The following TM9SF4 variants were observed in gnomAD, a reference collection of about 807,000 sequenced individuals.
TM9SF4 encodes transmembrane 9 superfamily member 4, also known as dinucleotide oxidase disulfide thiol exchanger 3 superfamily member 4.
A neutral mutation model predicts 90.4 loss-of-function variants in TM9SF4; 26 were observed. The ratio of observed to expected loss-of-function variants is 0.29; its 90% CI spans 0.21 to 0.40. The LOEUF (loss-of-function observed/expected upper bound fraction) is 0.40, where lower values mean the gene tolerates loss of function less well. TM9SF4 is among the 10% of genes least tolerant of loss of function. The pLI is 1.00. For missense variants in TM9SF4, 549 were observed against 834.8 expected (o/e 0.66, Z 4.22); for synonymous variants, 293 against 315.4 (o/e 0.93, Z 0.75).
intron 1 of TM9SF4, among the ~76,000 whole-genome samples, chr20:32,117,001 G>A (rs1321565031): frequency 6.6e-6 from 1 of 150,594 alleles, no homozygotes; most frequent in African/African-American, 2.4e-5. Flanking sequence ...GTCGGAGTGG[G>A]TCATTTGAGG....
intron 13 of TM9SF4, among the ~76,000 whole-genome samples, chr20:32,156,265 G>T (rs1376958625): frequency 2.0e-5 from 3 of 152,154 alleles, no homozygotes; most frequent in Non-Finnish European, 4.4e-5. Flanking sequence ...CTTGTAAAAA[G>T]TAAGTGTAGA....
intron 1 of TM9SF4, among the ~76,000 whole-genome samples, chr20:32,121,912 G>T (rs576523394): frequency 0.036 from 5,088 of 140,992 alleles, 365 homozygotes; most frequent in African/African-American, 0.13. Flanking sequence ...CGGACGGGGC[G>T]GCTGGCCGGG....
At chr20:32,136,749 G>A (rs2046599791) in intron 3 of TM9SF4, 4 of 431,372 alleles carry the variant, frequency 9.3e-6, no homozygotes, top group Non-Finnish European at 1.9e-5. Flanking sequence ...TTCAGGTGTA[G>A]AGGTGTCTAG....
At chr20:32,122,314 C>A (rs917992787) in intron 1 of TM9SF4, among the ~76,000 whole-genome samples, 1 of 150,328 alleles carries the variant, frequency 6.7e-6, no homozygotes, top group Non-Finnish European at 1.5e-5. Flanking sequence ...TGACCCCCCC[C>A]ACCTCCCTCC....
At chr20:32,126,922 A>G (rs976598462) in intron 1 of TM9SF4, among the ~76,000 whole-genome samples, 2 of 151,856 alleles carry the variant, frequency 1.3e-5, no homozygotes, top group African/African-American at 4.8e-5. Flanking sequence ...TTTAGTAGAG[A>G]CGGGGTTCAC....
chr20:32,125,369 C>A (rs931966881), intron 1 of TM9SF4, among the ~76,000 whole-genome samples: 4 of 152,198 alleles, frequency 2.6e-5, no homozygotes, highest in African/African-American at 7.2e-5. Flanking sequence ...CAAATTTACC[C>A]AAAGTCACAC....
Position 32,159,992 on chromosome 20 carries a change from G to A in TM9SF4, c.1570G>A (p.Ala524Thr). Reference protein sequence around the residue: ...MFIELFFIFSAIWENQFYYLF... With the variant: ...MFIELFFIFSTIWENQFYYLF... Reference sequence around the variant, plus strand: ...CTGAAGCCCCACTGTGTGTCCACAGGCTATCTGGGAGAATCAGTTCTATTA... The same window carrying A: ...CTGAAGCCCCACTGTGTGTCCACAGACTATCTGGGAGAATCAGTTCTATTA... Residue 524 changes from alanine to threonine, a missense_variant and splice_region_variant, in exon 16 of 18, where the codon GCT becomes ACT. By Grantham distance (58) the Ala-to-Thr change is moderately conservative. Around this residue, in one of 2 missense-constraint regions of TM9SF4, gnomAD observed 495 missense variants for 711.7 expected, o/e 0.70. Transcript: ENST00000398022. 1 of 1,614,232 alleles carries A rather than the reference G, an allele frequency of 6.2e-7. No individual in the cohort carries two copies. The highest frequency in any genetic ancestry group is 8.5e-7 in the Non-Finnish European group (1 of 1,180,044).
At chr20:32,141,744 G>A (rs757978695) in intron 4 of TM9SF4, 22 bp from the exon 5 acceptor site, 2 of 1,613,952 alleles carry the variant, frequency 1.2e-6, no homozygotes, top group Admixed American at 3.3e-5. Context: ...GAGAGGGACT[G>A]AGTGGGGCCT....
chr20:32,109,878 C>T, intron 1 of TM9SF4, 123 bp downstream of exon 1: 2 of 1,516,800 alleles, frequency 1.3e-6, no homozygotes, highest in Non-Finnish European at 1.8e-6. Context: ...GGCCTGAGGG[C>T]TACCTCTGAC....
At chr20:32,155,053 T>A (rs762495220) in intron 12 of TM9SF4, 50 bp from the exon 13 acceptor site, 3 of 1,511,634 alleles carry the variant, frequency 2.0e-6, no homozygotes, top group Non-Finnish European at 2.8e-6. Flanking sequence ...CCGGGACAGG[T>A]AGGGGAGGTC....
intron 12 of TM9SF4, among the ~76,000 whole-genome samples, chr20:32,152,907 G>T (rs554478584): frequency 6.6e-6 from 1 of 152,288 alleles, no homozygotes; most frequent in South Asian, 2.1e-4. Flanking sequence ...TTTCTCCCTG[G>T]AGCTTTTTTT....
At chr20:32,110,632 C>A (rs1413321091) in intron 1 of TM9SF4, among the ~76,000 whole-genome samples, 1 of 152,204 alleles carries the variant, frequency 6.6e-6, no homozygotes, top group Non-Finnish European at 1.5e-5. Context: ...CCTCACTGCT[C>A]TCCTTCCCAT....
chr20:32,135,933 G>T, intron 2 of TM9SF4, 141 bp from the exon 3 acceptor site: 1 of 622,700 alleles, frequency 1.6e-6, no homozygotes, highest in Non-Finnish European at 2.8e-6. Flanking sequence ...ATTCAGAATT[G>T]TGGGCAGTAC....
intron 1 of TM9SF4, among the ~76,000 whole-genome samples, chr20:32,132,470 G>A (rs1195557660): frequency 1.3e-5 from 2 of 152,114 alleles, no homozygotes; most frequent in Non-Finnish European, 2.9e-5. Flanking sequence ...CAGTAAAGAC[G>A]AAGGCCCTGA....
chr20:32,112,767 T>A (rs2046165683), intron 1 of TM9SF4, among the ~76,000 whole-genome samples: 1 of 151,976 alleles, frequency 6.6e-6, no homozygotes, highest in South Asian at 2.1e-4. Context: ...ATTTAGTGTT[T>A]GTTGTGCCAC....
chr20:32,144,867 T>C (rs1049039091), intron 6 of TM9SF4, among the ~76,000 whole-genome samples: 9 of 152,160 alleles, frequency 5.9e-5, no homozygotes, highest in African/African-American at 2.2e-4. Context: ...GAGCTATGAT[T>C]GTGCCATTGT....
In TM9SF4 at chr20:32,124,613, GTC is replaced by G. The variant is rs2046392179; in HGVS notation, c.16-8397_16-8396del. On this transcript the variant is annotated intron_variant, in intron 1 of 17. Coordinates refer to ENST00000398022, the MANE Select transcript of TM9SF4 (RefSeq NM_014742.4). ...AACTTTTTTTTTTTTTTTAGATGAA[GTC>G]TCATTCCATCACCCAAACTGGAGTG... is the stretch of plus-strand genomic sequence containing the variant. Among the ~76,000 whole-genome samples, 4 of 148,878 alleles carry G rather than the reference GTC, an allele frequency of 2.7e-5. No homozygotes were observed. In the South Asian group the frequency reaches 8.4e-4, roughly 31 times the overall value.
intron 3 of TM9SF4, among the ~76,000 whole-genome samples, chr20:32,137,295 C>T (rs1209110758): frequency 6.6e-6 from 1 of 152,156 alleles, no homozygotes; most frequent in Non-Finnish European, 1.5e-5. Flanking sequence ...CACTTGGTGC[C>T]CCAGGGTCCT....
chr20:32,165,177 G>A (rs1020378866), intron 17 of TM9SF4, 118 bp from the exon 18 acceptor site: 6 of 1,386,990 alleles, frequency 4.3e-6, no homozygotes, highest in South Asian at 1.3e-5. Context: ...ACTGGAGCAC[G>A]CCCCTTCCCC....
Sources: gnomAD v4.1 joint callset for allele counts (sites outside exome capture counted in the v4.1 genomes callset) on GRCh38, gnomAD v4.1.1 for gene constraint, gnomAD v4.1.1 regional missense constraint, MANE v1.5 for transcripts, NCBI Gene and HGNC (gene_info 2026-07-23, HGNC 2026-07-21) for gene names.